The following TULP4 variants were observed in gnomAD, a reference collection of about 807,000 sequenced individuals.
TULP4 encodes the protein TUB like protein 4.
In TULP4, 16 loss-of-function variants were observed where a neutral mutation model predicts 129.0. That is an observed-to-expected ratio of 0.12 (90% CI 0.08 to 0.19). TULP4 has a LOEUF of 0.19. Among genes scored for constraint, TULP4 ranks in the 10% least tolerant of loss-of-function variants. TULP4 has a pLI of 1.00. For missense variants in TULP4, 1,842 were observed against 2,059.1 expected, an observed-to-expected ratio of 0.89 and a Z score of 2.04; for synonymous variants, 998 against 854.0, an observed-to-expected ratio of 1.17 and a Z score of -2.94.
chr6:158,391,016 G>T (rs1205821013), intron 1 of TULP4, among the ~76,000 whole-genome samples: 1 of 152,154 alleles, frequency 6.6e-6, no homozygotes, highest in Non-Finnish European at 1.5e-5. Flanking sequence ...GTTTGAGGCT[G>T]CACTGAGCTA....
intron 9 of TULP4, among the ~76,000 whole-genome samples, chr6:158,491,440 T>TCTTTCTTTCTTTCTTTCTTTCTTC (rs1554296506): frequency 5.3e-5 from 1 of 18,950 alleles, no homozygotes; most frequent in African/African-American, 2.5e-4. Flanking sequence ...TTTCTTTCTT[T>TCTTTCTTTCTTTCTTTCTTTCTTC]CTTTTCTTTC....
chr6:158,509,275 T>G lies in TULP4; in HGVS notation c.*2581T>G, dbSNP rs1780677961. The G allele has an allele frequency of 6.6e-6, 1 of 152,188 alleles. No individual in the cohort carries two copies. Among genetic ancestry groups the G allele is most frequent in the African/African-American group, 2.4e-5 (1 of 41,460 alleles). 9.4% of individuals were successfully genotyped at this position (152,188 alleles called of 1,614,324 possible). A position where few individuals can be genotyped will look rare whatever the true frequency, so the allele number is the denominator to read the frequency against. ...ATCACTTAAAAATTTTTTTTTGTATTTTGTGTTATTGATTATATACAAAGG... is the reference window on the plus strand; with the variant it reads ...ATCACTTAAAAATTTTTTTTTGTATGTTGTGTTATTGATTATATACAAAGG... On this transcript the variant is annotated 3_prime_UTR_variant, in exon 14 of 14. Coordinates refer to ENST00000367097, the MANE Select transcript of TULP4 (RefSeq NM_020245.5).
At chr6:158,467,490 C>T (rs1385694884) in intron 6 of TULP4, among the ~76,000 whole-genome samples, 1 of 151,968 alleles carries the variant, frequency 6.6e-6, no homozygotes, top group Non-Finnish European at 1.5e-5. Flanking sequence ...ACCATGTTGG[C>T]CAGGCTGGTC....
At position 158,444,246 on chromosome 6, in the gene TULP4, A is replaced by AAT. The variant is rs1562568657; in HGVS notation, c.544-4750_544-4749insAT. On this transcript the variant is annotated intron_variant, in intron 3 of 13. Coordinates refer to ENST00000367097, the MANE Select transcript of TULP4 (RefSeq NM_020245.5). ...AAAAAAAAAAAAAAAAAAAAAAAAAATTTTTTTTTTTTTTTTTTTTAACTT... is the reference window on the plus strand; with the variant it reads ...AAAAAAAAAAAAAAAAAAAAAAAAAAATTTTTTTTTTTTTTTTTTTTTAACTT... 4.1e-3 allele frequency among the ~76,000 whole-genome samples: 356 copies of AAT among 86,672 alleles called. 4 individuals carry two copies. Among genetic ancestry groups the AAT allele is most frequent in the Middle Eastern group, 7.2e-3 (1 of 138 alleles). 56.9% of individuals were successfully genotyped at this position (86,672 alleles called of 152,430 possible). A position where few individuals can be genotyped will look rare whatever the true frequency, so the allele number is the denominator to read the frequency against.
chr6:158,235,474 C>A (rs1410431467), intron 1 of TULP4, among the ~76,000 whole-genome samples: 2 of 152,182 alleles, frequency 1.3e-5, no homozygotes, highest in Admixed American at 6.5e-5. Context: ...CCTCAGGGTT[C>A]ATCCATGTTA....
At chr6:158,455,796 A>G (rs1779280567) in intron 5 of TULP4, among the ~76,000 whole-genome samples, 1 of 152,192 alleles carries the variant, frequency 6.6e-6, no homozygotes, top group Non-Finnish European at 1.5e-5. Flanking sequence ...TAGTTTCAGA[A>G]AGTTAGATTA....
chr6:158,273,031 A>G (rs907722060), intron 1 of TULP4, among the ~76,000 whole-genome samples: 4 of 152,292 alleles, frequency 2.6e-5, no homozygotes, highest in Admixed American at 2.0e-4. Flanking sequence ...TGAGGGACCT[A>G]CCCGACACTT....
At chr6:158,490,012 G>A (rs1327402578) in intron 9 of TULP4, among the ~76,000 whole-genome samples, 1 of 152,126 alleles carries the variant, frequency 6.6e-6, no homozygotes, top group African/African-American at 2.4e-5. Flanking sequence ...CATAGTTCCC[G>A]GGCTTATATG....
At chr6:158,444,035 C>T (rs539122849) in intron 3 of TULP4, among the ~76,000 whole-genome samples, 54 of 151,558 alleles carry the variant, frequency 3.6e-4, no homozygotes, top group East Asian at 7.8e-4. Flanking sequence ...CTGGCTAACA[C>T]GGTGAAACCC....
chr6:158,415,701 A>T (rs1488891707), intron 2 of TULP4, among the ~76,000 whole-genome samples: 1 of 151,572 alleles, frequency 6.6e-6, no homozygotes, highest in East Asian at 1.9e-4. Flanking sequence ...TAGCAGTCTC[A>T]GGCAGGTCCT....
chr6:158,451,121 A>G (rs1015809342), intron 4 of TULP4, among the ~76,000 whole-genome samples: 1 of 152,220 alleles, frequency 6.6e-6, no homozygotes, highest in African/African-American at 2.4e-5. Flanking sequence ...AACAGGACTC[A>G]GAGACCAAGT....
chr6:158,489,951 C>G (rs1780162956), intron 9 of TULP4, among the ~76,000 whole-genome samples: 1 of 152,210 alleles, frequency 6.6e-6, no homozygotes, highest in Non-Finnish European at 1.5e-5. Flanking sequence ...TTGCTACACC[C>G]TCAGAACTTC....
chr6:158,366,840 T>C (rs1211990659), intron 1 of TULP4, among the ~76,000 whole-genome samples: 1 of 152,150 alleles, frequency 6.6e-6, no homozygotes, highest in Non-Finnish European at 1.5e-5. Flanking sequence ...AATCTCAAGG[T>C]CCCGTCCAGC....
At chr6:158,504,583 C>G (rs181400532) in intron 13 of TULP4, among the ~76,000 whole-genome samples, 351 of 150,974 alleles carry the variant, frequency 2.3e-3, no homozygotes, top group Admixed American at 4.9e-3. Flanking sequence ...ATCTCGATCT[C>G]CTGACCTCGT....
At chr6:158,411,126 GAAAAAAA>G (rs79023085) in intron 1 of TULP4, among the ~76,000 whole-genome samples, 2 of 52,170 alleles carry the variant, frequency 3.8e-5, no homozygotes, top group East Asian at 7.6e-4. Flanking sequence ...AGGTAAAAGT[GAAAAAAA>G]AAAAAAAAAA....
intron 1 of TULP4, among the ~76,000 whole-genome samples, chr6:158,388,735 A>G (rs1426882287): frequency 6.6e-6 from 1 of 152,164 alleles, no homozygotes; most frequent in Non-Finnish European, 1.5e-5. Flanking sequence ...CTTGAAAAAT[A>G]AACTTACTGT....
At chr6:158,290,906 C>CT (rs747859503) in intron 1 of TULP4, among the ~76,000 whole-genome samples, 2 of 152,322 alleles carry the variant, frequency 1.3e-5, no homozygotes, top group Non-Finnish European at 2.9e-5. Context: ...GCTCTGCTGC[C>CT]TACCGGATAG....
chr6:158,242,108 C>T (rs538507905), intron 1 of TULP4: 6 of 843,822 alleles, frequency 7.1e-6, no homozygotes, highest in Middle Eastern at 3.5e-4. Context: ...TCTGTTTGAC[C>T]CTGAAGCTGC....
chr6:158,259,680 C>T (rs779738345), intron 1 of TULP4, among the ~76,000 whole-genome samples: 2 of 152,218 alleles, frequency 1.3e-5, no homozygotes, highest in Non-Finnish European at 2.9e-5. Flanking sequence ...GACATGAGTT[C>T]TGCAAGGCTG....
Sources: allele counts gnomAD v4.1 joint callset (sites outside exome capture counted in the v4.1 genomes callset), GRCh38; gene constraint gnomAD v4.1.1; transcripts MANE v1.5; gene names NCBI Gene and HGNC (gene_info 2026-07-23, HGNC 2026-07-21).